Variants in CHD1 observed in about 807,000 individuals in gnomAD.
The protein encoded by CHD1 is ATP-dependent chromatin remodeler CHD1.
Under a neutral mutation model 224.2 loss-of-function variants are expected in CHD1, and 36 were observed. The ratio of observed to expected loss-of-function variants is 0.16; its 90% confidence interval spans 0.12 to 0.21. The LOEUF is 0.21. CHD1 is among the 10% of genes least tolerant of loss of function. The probability of loss-of-function intolerance (pLI) is 1.00; values close to 1 mark genes in which losing one functional copy is unlikely to be tolerated. For synonymous variants in CHD1, 668 were observed against 658.3 expected, an observed-to-expected ratio of 1.01 and a Z score of -0.23; for missense variants, 1,378 against 1,994.8, an observed-to-expected ratio of 0.69 and a Z score of 5.89.
chr5:98,873,489 G>T, intron 26 of CHD1, 104 bp downstream of exon 26: 1 of 881,578 alleles, frequency 1.1e-6, no homozygotes, highest in Non-Finnish European at 1.6e-6. Context: ...ATAACCTTTT[G>T]AGACTGATGA....
rs1436505479 is a variant in CHD1 at position 98,881,532 on chromosome 5, C to T, written c.2868-157G>A. On this transcript the variant is annotated intron_variant, in intron 20 of 35. Coordinates refer to ENST00000614616, the MANE Select transcript of CHD1 (RefSeq NM_001270.4). The stretch of plus-strand genomic sequence containing the variant: ...GAATCCTTTTTTTTTTTTTTGGAGA[C>T]AGTGTCTCCTTCTGTCACCCAGGCT... 1.4e-5 allele frequency among the ~76,000 whole-genome samples: 2 copies of T among 146,262 alleles called. 1 individual carries two copies. Among genetic ancestry groups the T allele is most frequent in the Non-Finnish European group, 3.0e-5 (2 of 66,860 alleles).
At chr5:98,907,296 T>C (rs1752105225) in intron 2 of CHD1, among the ~76,000 whole-genome samples, 1 of 152,114 alleles carries the variant, frequency 6.6e-6, no homozygotes, top group Admixed American at 6.5e-5. Flanking sequence ...CGATAAAGAA[T>C]ATGCAAAAAG....
chr5:98,914,498 T>C (rs967917848), intron 2 of CHD1, among the ~76,000 whole-genome samples: 6 of 151,416 alleles, frequency 4.0e-5, no homozygotes, highest in Admixed American at 6.6e-5. Context: ...AGAGTTTCTA[T>C]TGGGAACAAA....
At position 98,894,679 on chromosome 5, in the gene CHD1, G is replaced by C; in HGVS notation, c.1718C>G (p.Thr573Ser). 6.9e-7 allele frequency: 1 copy of C among 1,450,342 alleles called. No individual in the cohort carries two copies. The highest frequency in any genetic ancestry group is 1.4e-5 in the African/African-American group (1 of 70,196). 89.8% of individuals were successfully genotyped at this position (1,450,342 alleles called of 1,614,324 possible). A position where few individuals can be genotyped will look rare whatever the true frequency, so the allele number is the denominator to read the frequency against. Reference sequence around the variant, plus strand: ...GGTCTGATGATGCGTCCATTCATGAGTTCTTATCTATTAAGAAATTTGAAG... The same window carrying C: ...GGTCTGATGATGCGTCCATTCATGACTTCTTATCTATTAAGAAATTTGAAG... Reference protein sequence around the residue: ...GDINSRNMIRTHEWTHHQTKR... With the variant: ...GDINSRNMIRSHEWTHHQTKR... The change falls in exon 13 of 36, where the codon ACT becomes AGT. Residue 573 changes from threonine (T) to serine (S), a missense_variant. Physicochemically the swap from Thr to Ser is moderately conservative, Grantham distance 58. Coordinates refer to ENST00000614616, the MANE Select transcript of CHD1 (RefSeq NM_001270.4).
At chr5:98,891,195 T>TACC (rs1751000630) in intron 15 of CHD1, among the ~76,000 whole-genome samples, 1 of 152,086 alleles carries the variant, frequency 6.6e-6, no homozygotes, top group Non-Finnish European at 1.5e-5. Flanking sequence ...CACCTCAGCC[T>TACC]ACCAAGCAGC....
intron 33 of CHD1, among the ~76,000 whole-genome samples, chr5:98,859,577 A>G (rs1198466032): frequency 6.6e-6 from 1 of 152,084 alleles, no homozygotes; most frequent in East Asian, 1.9e-4. Flanking sequence ...TTTTCACATA[A>G]TAACACATAT....
Position 98,856,154 on chromosome 5 carries a change from CAAAAA to C in CHD1, c.*221_*225del. ...TTTTCCATTTCTTTAAAAAAGAAAA[CAAAAA>C]AAAGTACTACAATTTTGTAGTACAG... On this transcript the variant is annotated 3_prime_UTR_variant, in exon 36 of 36. Coordinates refer to ENST00000614616, the MANE Select transcript of CHD1 (RefSeq NM_001270.4). The C allele has an allele frequency of 2.7e-6, 1 of 368,154 alleles. No homozygotes were observed. 22.8% of individuals were successfully genotyped at this position (368,154 alleles called of 1,614,324 possible).
chr5:98,920,738 A>G (rs1383733763), intron 2 of CHD1, among the ~76,000 whole-genome samples: 1 of 151,302 alleles, frequency 6.6e-6, no homozygotes, highest in African/African-American at 2.4e-5. Context: ...CGGAGGTTGC[A>G]GTGAGGTGAG....
At chr5:98,857,652 T>C (rs2112440593) in intron 35 of CHD1, among the ~76,000 whole-genome samples, 1 of 152,226 alleles carries the variant, frequency 6.6e-6, no homozygotes, top group African/African-American at 2.4e-5. Context: ...TCTGATGTTA[T>C]TACACTGAGG....
chr5:98,876,987 A>C (rs1334796593), intron 23 of CHD1, among the ~76,000 whole-genome samples: 3 of 152,218 alleles, frequency 2.0e-5, no homozygotes, highest in African/African-American at 7.2e-5. Flanking sequence ...TAGGCAACAT[A>C]GTGAGACCTT....
chr5:98,912,627 A>G (rs1409639386), intron 2 of CHD1, among the ~76,000 whole-genome samples: 1 of 152,084 alleles, frequency 6.6e-6, no homozygotes, highest in East Asian at 1.9e-4. Context: ...GCCAAGATTG[A>G]GCCATGGTAC....
At chr5:98,860,612 A>C (rs1488613187) in intron 32 of CHD1, 1 of 161,216 alleles carries the variant, frequency 6.2e-6, no homozygotes, top group Non-Finnish European at 1.4e-5. Flanking sequence ...AGGCATCAGT[A>C]ATTAATCAGA....
intron 2 of CHD1, among the ~76,000 whole-genome samples, chr5:98,926,041 C>T (rs1392774332): frequency 6.6e-6 from 1 of 151,952 alleles, no homozygotes; most frequent in Non-Finnish European, 1.5e-5. Flanking sequence ...ATCTATTATA[C>T]ATGCTCCAGC....
intron 2 of CHD1, among the ~76,000 whole-genome samples, chr5:98,924,295 CTCT>C (rs1464423900): frequency 2.6e-5 from 4 of 152,182 alleles, no homozygotes; most frequent in Admixed American, 1.3e-4. Context: ...GACAATATGA[CTCT>C]TCTATTTACT....
chr5:98,896,239 T>C lies in CHD1; in HGVS notation c.1697A>G (p.Asn566Ser), dbSNP rs1395454839. 12 of 1,612,772 alleles carry C rather than the reference T, an allele frequency of 7.4e-6. No individual in the cohort carries two copies. The highest frequency in any genetic ancestry group is 1.0e-5 in the Non-Finnish European group (12 of 1,178,918). ...GAAACAACTTACCATGTTTCTGCTG[T>C]TAATGTCACCTAAATAAACCACAGC... is the stretch of plus-strand genomic sequence containing the variant. ...MNAVVYLGDINSRNMIRTHEW... is the reference protein window; with the variant it reads ...MNAVVYLGDISSRNMIRTHEW... The change falls in exon 12 of 36, where the codon AAC becomes AGC. Residue 566 changes from asparagine to serine, a missense_variant. Transcript: ENST00000614616.
chr5:98,925,569 G>C (rs1753401405), intron 2 of CHD1, among the ~76,000 whole-genome samples: 1 of 152,124 alleles, frequency 6.6e-6, no homozygotes, highest in African/African-American at 2.4e-5. Context: ...ATATGATAAT[G>C]CATATAACTA....
chr5:98,910,706 TTAAA>T (rs562863298), intron 2 of CHD1, among the ~76,000 whole-genome samples: 67 of 152,272 alleles, frequency 4.4e-4, no homozygotes, highest in Middle Eastern at 6.8e-3. Context: ...TTTTACACTC[TTAAA>T]TAAATGGTAG....
At chr5:98,887,767 C>G (rs974465527) in intron 17 of CHD1, among the ~76,000 whole-genome samples, 2 of 152,084 alleles carry the variant, frequency 1.3e-5, no homozygotes, top group Non-Finnish European at 2.9e-5. Flanking sequence ...AGACTAAAGG[C>G]TCCCCTGCTT....
At chr5:98,917,303 A>C (rs887918071) in intron 2 of CHD1, among the ~76,000 whole-genome samples, 4 of 150,924 alleles carry the variant, frequency 2.7e-5, no homozygotes, top group East Asian at 1.9e-4. Flanking sequence ...AAGAAACAAA[A>C]AAAAAAAACA....
Sources: gnomAD v4.1 joint callset for allele counts (sites outside exome capture counted in the v4.1 genomes callset) on GRCh38, gnomAD v4.1.1 for gene constraint, MANE v1.5 for transcripts, NCBI Gene and HGNC (gene_info 2026-07-23, HGNC 2026-07-21) for gene names.